EXOC6B: variants seen among roughly 807,000 people sequenced by gnomAD.
The protein encoded by EXOC6B is SEC15 homolog B.
Under a neutral mutation model 113.5 loss-of-function variants are expected in EXOC6B, and 54 were observed. The observed-to-expected ratio is 0.48, with a 90% CI of 0.38 to 0.60. The LOEUF (loss-of-function observed/expected upper bound fraction) is 0.60. Ranked by LOEUF, EXOC6B falls within the 20% of genes least tolerant of loss-of-function variation. The pLI is 0.00. For missense variants in EXOC6B, 797 were observed against 977.5 expected, an observed-to-expected ratio of 0.82 and a Z score of 2.46; for synonymous variants, 357 against 339.0, an observed-to-expected ratio of 1.05 and a Z score of -0.58.
intron 6 of EXOC6B, among the ~76,000 whole-genome samples, chr2:72,585,468 A>C (rs1265750239): frequency 6.6e-6 from 1 of 151,978 alleles, no homozygotes; most frequent in Non-Finnish European, 1.5e-5. Context: ...ATGGTGGCAC[A>C]CACCTGTAGT....
chr2:72,371,979 G>C (rs1691051116), intron 19 of EXOC6B, among the ~76,000 whole-genome samples: 1 of 152,134 alleles, frequency 6.6e-6, no homozygotes, highest in Non-Finnish European at 1.5e-5. Context: ...TAAAGTTGCA[G>C]AATACAGAAT....
intron 19 of EXOC6B, among the ~76,000 whole-genome samples, chr2:72,365,748 A>G (rs899226486): frequency 2.6e-5 from 4 of 152,164 alleles, no homozygotes; most frequent in Non-Finnish European, 5.9e-5. Flanking sequence ...AACCATTAGA[A>G]ATGAAAAGGA....
chr2:72,550,415 A>G (rs1703144965), intron 8 of EXOC6B, among the ~76,000 whole-genome samples: 1 of 152,170 alleles, frequency 6.6e-6, no homozygotes, highest in Non-Finnish European at 1.5e-5. Context: ...TAAAGTCCCT[A>G]TAGACCTAGA....
intron 20 of EXOC6B, among the ~76,000 whole-genome samples, chr2:72,326,760 T>C (rs528020644): frequency 6.6e-6 from 1 of 151,930 alleles, no homozygotes; most frequent in African/African-American, 2.4e-5. Context: ...GCAAAAGTAA[T>C]TGTGGTTTTT....
At chr2:72,753,576 G>A (rs1276989030) in intron 1 of EXOC6B, among the ~76,000 whole-genome samples, 1 of 151,884 alleles carries the variant, frequency 6.6e-6, no homozygotes, top group East Asian at 1.9e-4. Context: ...ATACTTCTTT[G>A]ACAGTAATTT....
In EXOC6B at chr2:72,335,036, G is replaced by C. The variant is rs1470310148; in HGVS notation, c.2123-16C>G. On this transcript the variant is annotated splice_polypyrimidine_tract_variant and intron_variant, in intron 19 of 21. Transcript: ENST00000272427. Reference sequence around the variant, plus strand: ...CTGGCAAACTCTGTGGGAAAGAAAAGAGGATAAAAAGCGCCTTTAACTAAC... The same window carrying C: ...CTGGCAAACTCTGTGGGAAAGAAAACAGGATAAAAAGCGCCTTTAACTAAC... 6.2e-7 allele frequency: 1 copy of C among 1,612,722 alleles called. No homozygotes were observed. Among genetic ancestry groups the C allele is most frequent in the African/African-American group, 1.3e-5 (1 of 74,860 alleles).
intron 1 of EXOC6B, among the ~76,000 whole-genome samples, chr2:72,743,059 A>T (rs1489063307): frequency 1.3e-5 from 2 of 152,182 alleles, no homozygotes; most frequent in Non-Finnish European, 2.9e-5. Flanking sequence ...CAAGCCAAAA[A>T]TCTAGGAATG....
At chr2:72,784,562 A>C (rs993629542) in intron 1 of EXOC6B, among the ~76,000 whole-genome samples, 3 of 152,148 alleles carry the variant, frequency 2.0e-5, no homozygotes, top group African/African-American at 7.2e-5. Context: ...GGTGAAGGGC[A>C]CTTCTTATAT....
At position 72,277,493 on chromosome 2, in the gene EXOC6B, GT is replaced by G. The variant is rs539887050; in HGVS notation, c.2196+57453del. ...GGTAATAATTAGAAAGTATGTATTT[GT>G]TTTTTTTTTTTCTTTTTCTGGAGAT... On this transcript the variant is annotated intron_variant, in intron 20 of 21. Coordinates refer to ENST00000272427, the MANE Select transcript of EXOC6B (RefSeq NM_015189.3). Among the ~76,000 whole-genome samples, 291 of 145,104 alleles carry G rather than the reference GT, an allele frequency of 2.0e-3. 2 individuals are homozygous for G. Among genetic ancestry groups the G allele is most frequent in the African/African-American group, 5.7e-3 (227 of 39,778 alleles).
In EXOC6B at chr2:72,601,174, G is replaced by A. The variant is rs967514748; in HGVS notation, c.670-25506C>T. 7.0e-5 allele frequency among the ~76,000 whole-genome samples: 5 copies of A among 71,186 alleles called. 1 individual carries two copies. The highest frequency in any genetic ancestry group is 2.3e-4 in the African/African-American group (4 of 17,612). 46.7% of individuals were successfully genotyped at this position (71,186 alleles called of 152,430 possible). On this transcript the variant is annotated intron_variant, in intron 6 of 21. Coordinates refer to ENST00000272427, the MANE Select transcript of EXOC6B (RefSeq NM_015189.3). Reference sequence around the variant, plus strand: ...TGTGTGTGTGTGTGTGTGTGTGTGTGTGTATATCTTTTTTTCTTTTTTTCC... The same window carrying A: ...TGTGTGTGTGTGTGTGTGTGTGTGTATGTATATCTTTTTTTCTTTTTTTCC...
rs542109731 is a variant in EXOC6B, at chr2:72,642,301, G to A, written c.670-66633C>T. On this transcript the variant is annotated intron_variant, in intron 6 of 21. Transcript: ENST00000272427. ...ATGGAACCAAAAAAGAGCCCGCATC[G>A]CCAAGTCAATCCTAAGCCAAAAGAA... is the stretch of plus-strand genomic sequence containing the variant. Among the ~76,000 whole-genome samples, 26 of 142,308 alleles carry A rather than the reference G, an allele frequency of 1.8e-4. No homozygotes were observed. In the South Asian group the frequency reaches 1.9e-3, roughly 11 times the overall value. 93.4% of individuals were successfully genotyped at this position (142,308 alleles called of 152,430 possible). A position where few individuals can be genotyped will look rare whatever the true frequency, so the allele number is the denominator to read the frequency against.
chr2:72,696,838 T>G (rs1363582176), intron 6 of EXOC6B, among the ~76,000 whole-genome samples: 3 of 152,140 alleles, frequency 2.0e-5, no homozygotes. Context: ...AAGTCAGTAT[T>G]GTTTTAAGCC....
chr2:72,491,956 A>G (rs1468404970), intron 16 of EXOC6B, among the ~76,000 whole-genome samples: 1 of 152,178 alleles, frequency 6.6e-6, no homozygotes, highest in Admixed American at 6.5e-5. Flanking sequence ...GTGATTTCAT[A>G]TTCTACGTTG....
intron 3 of EXOC6B, 39 bp downstream of exon 3, chr2:72,733,032 A>C (rs1312940250): frequency 7.0e-7 from 1 of 1,434,768 alleles, no homozygotes; most frequent in Admixed American, 1.9e-5. Flanking sequence ...GAGTGGCATG[A>C]AACAGAAAAG....
At position 72,248,224 on chromosome 2, in the gene EXOC6B, A is replaced by G. The variant is rs541550906; in HGVS notation, c.2197-64037T>C. Among the ~76,000 whole-genome samples, 3 of 152,336 alleles carry G rather than the reference A, an allele frequency of 2.0e-5. No homozygotes were observed. In the East Asian group the frequency reaches 5.8e-4, roughly 29 times the overall value. On this transcript the variant is annotated intron_variant, in intron 20 of 21. Coordinates refer to ENST00000272427, the MANE Select transcript of EXOC6B (RefSeq NM_015189.3). ...TAAAATTCCATGTCCCATGACAGGT[A>G]TAAGTACCTACACTATCCTTATTCC...
At chr2:72,302,669 A>G (rs1686601196) in intron 20 of EXOC6B, among the ~76,000 whole-genome samples, 1 of 151,464 alleles carries the variant, frequency 6.6e-6, no homozygotes, top group Non-Finnish European at 1.5e-5. Flanking sequence ...TCTGATTTCC[A>G]TTTGCTTGGT....
chr2:72,752,365 T>C (rs1302507759), intron 1 of EXOC6B, among the ~76,000 whole-genome samples: 1 of 152,044 alleles, frequency 6.6e-6, no homozygotes, highest in Non-Finnish European at 1.5e-5. Flanking sequence ...TATCTTCCAC[T>C]CCAGGAAGGT....
Position 72,437,241 on chromosome 2 carries a change from A to G in EXOC6B, c.1980+27919T>C, listed in dbSNP as rs1695936121. ...CACCAGCAGAGGCTGCAGAACAGCA[A>G]AGACTGCTGCCTGCTCCTTCTGTTG... On this transcript the variant is annotated intron_variant, in intron 18 of 21. Transcript: ENST00000272427. Among the ~76,000 whole-genome samples the G allele has an allele frequency of 2.6e-5, 4 of 152,308 alleles. No homozygotes were observed. The South Asian group carries it at 8.3e-4, about 32-fold the overall frequency.
At chr2:72,713,251 C>A (rs1679384358) in intron 6 of EXOC6B, among the ~76,000 whole-genome samples, 1 of 152,004 alleles carries the variant, frequency 6.6e-6, no homozygotes, top group South Asian at 2.1e-4. Context: ...GGGATGTTCA[C>A]CAAGAAAAAG....
Sources: allele counts gnomAD v4.1 joint callset (sites outside exome capture counted in the v4.1 genomes callset), GRCh38; gene constraint gnomAD v4.1.1; transcripts MANE v1.5; gene names NCBI Gene and HGNC (gene_info 2026-07-23, HGNC 2026-07-21).